Variants in NFIB observed in about 807,000 individuals in gnomAD.
NFIB encodes nuclear factor 1 B-type.
In NFIB, 11 loss-of-function variants were observed where a neutral mutation model predicts 61.5. That is an observed-to-expected ratio of 0.18 (90% CI 0.11 to 0.30). The LOEUF is 0.30. Among genes scored for constraint, NFIB ranks in the 10% least tolerant of loss-of-function variants. The pLI is 1.00. For synonymous variants in NFIB, 260 were observed against 216.5 expected (o/e 1.20, Z -1.76); for missense variants, 471 against 608.9 (o/e 0.77, Z 2.38).
At chr9:14,340,248 G>C (rs1270217068) in intron 1 of NFIB, among the ~76,000 whole-genome samples, 1 of 152,148 alleles carries the variant, frequency 6.6e-6, no homozygotes, top group Non-Finnish European at 1.5e-5. Context: ...CTTCATCTTT[G>C]TGTCTTCAGC....
At chr9:14,202,418 G>C (rs1416375584) in intron 2 of NFIB, among the ~76,000 whole-genome samples, 2 of 152,116 alleles carry the variant, frequency 1.3e-5, no homozygotes, top group African/African-American at 4.8e-5. Flanking sequence ...ACTAGTTCGG[G>C]AGCTGAAGAG....
At chr9:14,229,962 G>A (rs59419166) in intron 2 of NFIB, among the ~76,000 whole-genome samples, 4,232 of 152,158 alleles carry the variant, frequency 0.028, 208 homozygotes, top group African/African-American at 0.094. Flanking sequence ...CACCATGTCC[G>A]GCTAATTATT....
intron 2 of NFIB, among the ~76,000 whole-genome samples, chr9:14,254,696 T>C (rs192352437): frequency 1.4e-4 from 21 of 152,314 alleles, no homozygotes; most frequent in African/African-American, 4.8e-4. Context: ...AGATAAATAA[T>C]TTAATTATCA....
the NFIB span, among the ~76,000 whole-genome samples, chr9:14,516,117 C>T: frequency 6.6e-6 from 1 of 152,228 alleles, no homozygotes; most frequent in Non-Finnish European, 1.5e-5. Flanking sequence ...ACAGGATTTG[C>T]AGACAATTGC....
chr9:14,250,676 C>A (rs2055496708), intron 2 of NFIB, among the ~76,000 whole-genome samples: 1 of 152,146 alleles, frequency 6.6e-6, no homozygotes, highest in Non-Finnish European at 1.5e-5. Context: ...ATTAAACATA[C>A]CAAATTCATC....
rs546770557 is a variant in NFIB, at chr9:14,251,957, C to T, written c.562+55032G>A. ...TTCTGTGGGATTTAGTCACCGTTAT[C>T]CACCTATGCCCACATTCTTTGCATG... On this transcript the variant is annotated intron_variant, in intron 2 of 10. Transcript: ENST00000380953. Among the ~76,000 whole-genome samples, 26 of 152,324 alleles carry T rather than the reference C, an allele frequency of 1.7e-4. No homozygotes were observed. In the South Asian group the frequency reaches 5.0e-3, roughly 29 times the overall value.
At chr9:14,412,244 A>G in the NFIB span, among the ~76,000 whole-genome samples, 1 of 152,232 alleles carries the variant, frequency 6.6e-6, no homozygotes, top group Non-Finnish European at 1.5e-5. Context: ...CACATAATGT[A>G]TTGTTCTGAA....
rs1218882333 is a variant in NFIB, at chr9:14,216,536, CTCTCTCCCTCTGTGTGTGTGTG to C, written c.563-36778_563-36757del. ...TCTCTCTCTCTCTCTCTCTCTCTCTCTCTCTCCCTCTGTGTGTGTGTGTGTGTGTGTGTGTGTGTGTGTGTGT... is the reference window on the plus strand; with the variant it reads ...TCTCTCTCTCTCTCTCTCTCTCTCTCTGTGTGTGTGTGTGTGTGTGTGTGT... On this transcript the variant is annotated intron_variant, in intron 2 of 10. Coordinates refer to ENST00000380953, the MANE Select transcript of NFIB (RefSeq NM_001190737.2). Among the ~76,000 whole-genome samples, 255 of 31,588 alleles carry C rather than the reference CTCTCTCCCTCTGTGTGTGTGTG, an allele frequency of 8.1e-3. 2 individuals are homozygous for C. Among genetic ancestry groups the C allele is most frequent in the African/African-American group, 0.035 (245 of 6,960 alleles). The allele number at this position is 31,588 out of a possible 152,430, so 20.7% of individuals were successfully genotyped here.
intron 3 of NFIB, among the ~76,000 whole-genome samples, chr9:14,159,945 A>C (rs1275711738): frequency 6.6e-6 from 1 of 152,222 alleles, no homozygotes; most frequent in Non-Finnish European, 1.5e-5. Context: ...TCTTAAAGCA[A>C]TTTGGAGACA....
At chr9:14,245,485 C>CA (rs149267502) in intron 2 of NFIB, among the ~76,000 whole-genome samples, 2,603 of 151,300 alleles carry the variant, frequency 0.017, 71 homozygotes, top group African/African-American at 0.059. Context: ...CCAACGGCAA[C>CA]AAAAAAAATG....
intron 2 of NFIB, among the ~76,000 whole-genome samples, chr9:14,247,262 G>A (rs2055040619): frequency 6.6e-6 from 1 of 152,186 alleles, no homozygotes. Flanking sequence ...TCTCTGGTAT[G>A]ATGCACAATG....
the NFIB span, among the ~76,000 whole-genome samples, chr9:14,470,679 T>G: frequency 2.6e-5 from 4 of 152,162 alleles, no homozygotes; most frequent in African/African-American, 9.7e-5. Flanking sequence ...TCTTGTAGTA[T>G]AAATTCGAGA....
Position 14,354,574 on chromosome 9 carries a change from T to C in NFIB, c.108+43950A>G, listed in dbSNP as rs183789813. 6.6e-5 allele frequency among the ~76,000 whole-genome samples: 10 copies of C among 152,304 alleles called. No homozygotes were observed. The East Asian group carries it at 1.9e-3, about 29-fold the overall frequency. On this transcript the variant is annotated intron_variant, in intron 1 of 8. Coordinates refer to the NFIB transcript ENST00000380934. ...TCTCTAAGGGGCTACATGGTTGGGT[T>C]TCCATTGAAATTTAGGGCCATCCCT...
intron 2 of NFIB, among the ~76,000 whole-genome samples, chr9:14,243,314 C>T (rs1050729639): frequency 6.6e-6 from 1 of 152,072 alleles, no homozygotes; most frequent in Non-Finnish European, 1.5e-5. Flanking sequence ...ACTTATATTA[C>T]CTTCTCAAAA....
chr9:14,330,418 G>T (rs1454397163), intron 1 of NFIB, among the ~76,000 whole-genome samples: 1 of 152,050 alleles, frequency 6.6e-6, no homozygotes, highest in Non-Finnish European at 1.5e-5. Flanking sequence ...GTGCAACCAA[G>T]CATTTTTTTT....
At chr9:14,245,935 T>C (rs2054875320) in intron 2 of NFIB, among the ~76,000 whole-genome samples, 1 of 152,014 alleles carries the variant, frequency 6.6e-6, no homozygotes, top group Non-Finnish European at 1.5e-5. Flanking sequence ...AGGGAGTGAT[T>C]ATTCCATCTA....
intron 1 of NFIB, among the ~76,000 whole-genome samples, chr9:14,325,380 T>A (rs1344413988): frequency 6.6e-6 from 1 of 152,170 alleles, no homozygotes; most frequent in Non-Finnish European, 1.5e-5. Context: ...TGCTTCTTCC[T>A]AAAGCCAATT....
upstream of NFIB, among the ~76,000 whole-genome samples, chr9:14,400,777 C>T (rs553820585): frequency 6.6e-6 from 1 of 152,180 alleles, no homozygotes; most frequent in Non-Finnish European, 1.5e-5. Flanking sequence ...TGGATCAGGA[C>T]TGACATCTGC....
At chr9:14,400,001 CT>C (rs568373825), upstream of NFIB, among the ~76,000 whole-genome samples, 13 of 151,954 alleles carry the variant, frequency 8.6e-5, 1 homozygote, top group South Asian at 2.7e-3. Context: ...AGCTAATCAG[CT>C]GTAACAAACA....
Sources: allele counts gnomAD v4.1 joint callset (sites outside exome capture counted in the v4.1 genomes callset), GRCh38; gene constraint gnomAD v4.1.1; transcripts MANE v1.5; gene names NCBI Gene and HGNC (gene_info 2026-07-23, HGNC 2026-07-21).